SNX29: variants seen among roughly 807,000 people sequenced by gnomAD.
The protein encoded by SNX29 is sorting nexin 29, also known as sorting nexin-29.
SNX29 carries 78 observed loss-of-function variants against 102.1 expected under a neutral mutation model. The ratio of observed to expected loss-of-function variants is 0.76; its 90% CI spans 0.64 to 0.92. The LOEUF (loss-of-function observed/expected upper bound fraction) is 0.92, where lower values mean the gene tolerates loss of function less well. Ranked by LOEUF, SNX29 falls within the 40% of genes least tolerant of loss-of-function variation. The pLI is 0.00. For missense variants in SNX29, 1,280 were observed against 1,061.7 expected (o/e 1.21, Z -2.86); for synonymous variants, 580 against 414.5 (o/e 1.40, Z -4.85).
intron 18 of SNX29, among the ~76,000 whole-genome samples, chr16:12,476,413 C>CATATATATAT (rs61390803): frequency 4.6e-4 from 9 of 19,526 alleles, no homozygotes; most frequent in Non-Finnish European, 8.6e-4. Flanking sequence ...TATATATATA[C>CATATATATAT]ATATATATAT....
chr16:12,055,958 C>G (rs965142715), intron 8 of SNX29, among the ~76,000 whole-genome samples: 1 of 152,168 alleles, frequency 6.6e-6, no homozygotes, highest in Non-Finnish European at 1.5e-5. Context: ...TCTCAGTTCA[C>G]TGCAACCTCT....
At chr16:12,467,560 A>G (rs879301270) in intron 18 of SNX29, among the ~76,000 whole-genome samples, 6 of 152,240 alleles carry the variant, frequency 3.9e-5, no homozygotes, top group Admixed American at 1.3e-4. Context: ...TGGACGGGCA[A>G]ATACACTGCC....
intron 11 of SNX29, among the ~76,000 whole-genome samples, chr16:12,084,741 A>G (rs1261333335): frequency 6.6e-6 from 1 of 152,144 alleles, no homozygotes; most frequent in Non-Finnish European, 1.5e-5. Context: ...GATAACTGTG[A>G]TGTGCTTAGA....
chr16:12,239,827 A>G (rs2078047600), intron 14 of SNX29, among the ~76,000 whole-genome samples: 1 of 152,102 alleles, frequency 6.6e-6, no homozygotes, highest in South Asian at 2.1e-4. Context: ...CTCAAAAAAA[A>G]AAATCCTGAT....
At chr16:12,468,458 G>A (rs996498592) in intron 18 of SNX29, among the ~76,000 whole-genome samples, 2 of 152,126 alleles carry the variant, frequency 1.3e-5, no homozygotes, top group African/African-American at 4.8e-5. Flanking sequence ...GCCACCACGC[G>A]CAACCTCCAA....
chr16:12,127,904 T>G (rs1325912960), intron 12 of SNX29, among the ~76,000 whole-genome samples: 1 of 152,156 alleles, frequency 6.6e-6, no homozygotes, highest in African/African-American at 2.4e-5. Context: ...AGTTACCCCC[T>G]GAACTTCTGC....
intron 15 of SNX29, among the ~76,000 whole-genome samples, chr16:12,301,877 G>T (rs1331982626): frequency 2.0e-5 from 3 of 152,172 alleles, no homozygotes; most frequent in African/African-American, 7.2e-5. Flanking sequence ...GCATCATCCC[G>T]AATACACTTG....
rs1004251423 is a variant in SNX29 at position 12,570,200 on chromosome 16, C to T, written c.*1571C>T. ...AAACCGAGTCAGCCTACATGACTTC[C>T]AAGGGGACCTGGGGCCAGATAAGCC... On this transcript the variant is annotated 3_prime_UTR_variant, in exon 21 of 21. Transcript: ENST00000566228. The T allele has an allele frequency of 9.4e-6, 10 of 1,065,286 alleles. No homozygotes were observed. The highest frequency in any genetic ancestry group is 4.1e-4 in the Middle Eastern group (1 of 2,418). The allele number at this position is 1,065,286 out of a possible 1,614,324, so 66.0% of individuals were successfully genotyped here.
chr16:12,487,323 C>T (rs899706956), intron 19 of SNX29, among the ~76,000 whole-genome samples: 1 of 152,180 alleles, frequency 6.6e-6, no homozygotes, highest in Non-Finnish European at 1.5e-5. Flanking sequence ...CGCCGAAAAC[C>T]TCAAAGCCAG....
intron 13 of SNX29, chr16:12,135,510 A>G (rs1438939923): frequency 7.6e-7 from 1 of 1,317,740 alleles, no homozygotes; most frequent in South Asian, 1.2e-5. Flanking sequence ...CATTCTTGAG[A>G]GGATGGTGCC....
chr16:12,550,618 C>A (rs1159491228), intron 20 of SNX29, among the ~76,000 whole-genome samples: 1 of 151,610 alleles, frequency 6.6e-6, no homozygotes, highest in African/African-American at 2.4e-5. Flanking sequence ...TAATGTATAC[C>A]TGTAGAAAGA....
intron 20 of SNX29, chr16:12,527,384 C>G (rs1346832460): frequency 8.1e-6 from 4 of 496,646 alleles, no homozygotes; most frequent in Non-Finnish European, 1.6e-5. Flanking sequence ...AAATCTCCTG[C>G]CTAAGGAAAT....
rs3169266 is a variant in SNX29, at chr16:12,573,552, C to T, written c.*4923C>T. On this transcript the variant is annotated 3_prime_UTR_variant, in exon 21 of 21. Transcript: ENST00000566228. ...TACTGGTGCGTAAGTGTTTTCCCAT[C>T]CTAACCGGAAAACCACTCACCCAGG... 8.9e-6 allele frequency: 2 copies of T among 223,752 alleles called. No homozygotes were observed. The highest frequency in any genetic ancestry group is 1.3e-4 in the East Asian group (2 of 15,336). The allele number at this position is 223,752 out of a possible 1,614,324, so 13.9% of individuals were successfully genotyped here.
chr16:12,258,776 G>GT (rs1320248335), intron 14 of SNX29, among the ~76,000 whole-genome samples: 1 of 152,174 alleles, frequency 6.6e-6, no homozygotes, highest in African/African-American at 2.4e-5. Context: ...TTGTGAGGTA[G>GT]TTCCTGAATC....
chr16:12,078,407 G>A (rs925254917), intron 10 of SNX29, among the ~76,000 whole-genome samples: 1 of 152,078 alleles, frequency 6.6e-6, no homozygotes, highest in African/African-American at 2.4e-5. Context: ...CCCAGGAGGT[G>A]GAGGTTACAG....
At chr16:12,464,977 G>T (rs932620646) in intron 18 of SNX29, among the ~76,000 whole-genome samples, 2 of 152,142 alleles carry the variant, frequency 1.3e-5, no homozygotes, top group Non-Finnish European at 2.9e-5. Context: ...TTGTGGTTCC[G>T]ATTTACACTT....
chr16:12,354,125 A>G (rs1330411029), intron 15 of SNX29, among the ~76,000 whole-genome samples: 1 of 152,176 alleles, frequency 6.6e-6, no homozygotes, highest in Non-Finnish European at 1.5e-5. Context: ...ATTTCTAGTT[A>G]TACTGGAGTT....
At chr16:12,164,887 C>T (rs2055947485) in intron 13 of SNX29, among the ~76,000 whole-genome samples, 1 of 151,988 alleles carries the variant, frequency 6.6e-6, no homozygotes, top group South Asian at 2.1e-4. Flanking sequence ...AGGGTTTTAC[C>T]ATGTTTGTCA....
At chr16:12,462,263 T>C (rs1431692426) in intron 18 of SNX29, among the ~76,000 whole-genome samples, 2 of 151,756 alleles carry the variant, frequency 1.3e-5, no homozygotes, top group Non-Finnish European at 2.9e-5. Context: ...GGACATTGCC[T>C]CTTTTTTCCT....
Sources: allele counts gnomAD v4.1 joint callset (sites outside exome capture counted in the v4.1 genomes callset), GRCh38; gene constraint gnomAD v4.1.1; transcripts MANE v1.5; gene names NCBI Gene and HGNC (gene_info 2026-07-23, HGNC 2026-07-21).